DCC: variants seen among roughly 807,000 people sequenced by gnomAD.
The protein encoded by DCC is DCC netrin 1 receptor, also known as netrin receptor DCC.
In DCC, 58 loss-of-function variants were observed where a neutral mutation model predicts 172.5. That is an observed-to-expected ratio of 0.34 (90% CI 0.27 to 0.42). The LOEUF is 0.42. Among genes scored for constraint, DCC ranks in the 10% least tolerant of loss-of-function variants. The pLI, the probability that DCC is intolerant of heterozygous loss-of-function variation, is 1.00. For missense variants in DCC, 1,740 were observed against 1,791.0 expected, an observed-to-expected ratio of 0.97 and a Z score of 0.51; for synonymous variants, 709 against 644.5, an observed-to-expected ratio of 1.10 and a Z score of -1.52.
At position 53,479,567 on chromosome 18, in the gene DCC, C is replaced by T. The variant is rs540906685; in HGVS notation, c.3737-7230C>T. Among the ~76,000 whole-genome samples the T allele has an allele frequency of 2.6e-5, 4 of 152,210 alleles. No individual in the cohort carries two copies. The South Asian group carries it at 6.2e-4, about 24-fold the overall frequency. On this transcript the variant is annotated intron_variant, in intron 25 of 28. Coordinates refer to ENST00000442544, the MANE Select transcript of DCC (RefSeq NM_005215.4). ...TAGAGTTATGCAGACACAGTCAGAGCTTAAAAAGGTTCCTGTAGAGAGTAC... is the reference window on the plus strand; with the variant it reads ...TAGAGTTATGCAGACACAGTCAGAGTTTAAAAAGGTTCCTGTAGAGAGTAC...
At chr18:52,377,348 A>C (rs1371496981) in intron 1 of DCC, among the ~76,000 whole-genome samples, 1 of 152,194 alleles carries the variant, frequency 6.6e-6, no homozygotes, top group Admixed American at 6.5e-5. Flanking sequence ...AGTAAAGTGC[A>C]CATCAGCTTG....
At chr18:52,498,528 G>A (rs2030890117) in intron 1 of DCC, among the ~76,000 whole-genome samples, 1 of 152,066 alleles carries the variant, frequency 6.6e-6, no homozygotes, top group African/African-American at 2.4e-5. Context: ...GGAGGCTGAG[G>A]TAGGAGAATC....
intron 1 of DCC, among the ~76,000 whole-genome samples, chr18:52,628,928 A>G (rs1568263376): frequency 6.6e-6 from 1 of 152,210 alleles, no homozygotes; most frequent in Non-Finnish European, 1.5e-5. Flanking sequence ...ATGATGACAC[A>G]CCGGCAATCT....
chr18:52,471,351 AACTT>A (rs1198825923), intron 1 of DCC, among the ~76,000 whole-genome samples: 2 of 152,092 alleles, frequency 1.3e-5, no homozygotes, highest in Non-Finnish European at 2.9e-5. Flanking sequence ...AAATAAATAA[AACTT>A]ACTCTGCTGG....
chr18:53,024,353 A>G (rs2041926372), intron 5 of DCC, among the ~76,000 whole-genome samples: 1 of 152,130 alleles, frequency 6.6e-6, no homozygotes, highest in Non-Finnish European at 1.5e-5. Context: ...TTCTTCACTA[A>G]GGACTTTTGT....
intron 7 of DCC, among the ~76,000 whole-genome samples, chr18:53,067,001 A>G (rs1402373802): frequency 6.6e-6 from 1 of 152,126 alleles, no homozygotes; most frequent in Non-Finnish European, 1.5e-5. Flanking sequence ...AGTCACTATC[A>G]GGAGAACACT....
chr18:53,141,159 T>C (rs1000424928), intron 7 of DCC, among the ~76,000 whole-genome samples: 1 of 152,146 alleles, frequency 6.6e-6, no homozygotes, highest in Non-Finnish European at 1.5e-5. Flanking sequence ...TAACTAGAGC[T>C]TTCTTCATGA....
chr18:53,145,820 G>T (rs2043904146), intron 7 of DCC, among the ~76,000 whole-genome samples: 1 of 152,304 alleles, frequency 6.6e-6, no homozygotes. Flanking sequence ...AGCTACTGTT[G>T]CTTCATAGCT....
At chr18:52,983,861 G>A (rs1187003959) in intron 5 of DCC, among the ~76,000 whole-genome samples, 2 of 152,086 alleles carry the variant, frequency 1.3e-5, no homozygotes, top group Non-Finnish European at 2.9e-5. Context: ...AATAAGATAT[G>A]TATCAGCTGG....
At chr18:52,882,568 T>C (rs947251267) in intron 2 of DCC, among the ~76,000 whole-genome samples, 1 of 152,154 alleles carries the variant, frequency 6.6e-6, no homozygotes, top group Non-Finnish European at 1.5e-5. Context: ...GTTTGTATAG[T>C]TTCCAAAATG....
chr18:52,401,935 T>C (rs2144377388), intron 1 of DCC, among the ~76,000 whole-genome samples: 1 of 152,120 alleles, frequency 6.6e-6, no homozygotes, highest in Non-Finnish European at 1.5e-5. Flanking sequence ...GTTACATTAA[T>C]ACAACGAACT....
At chr18:53,402,539 T>G (rs1972049) in intron 18 of DCC, among the ~76,000 whole-genome samples, 64,417 of 151,946 alleles carry the variant, frequency 0.42, 15,426 homozygotes, top group Non-Finnish European at 0.55. Context: ...TTTTCTCCTT[T>G]ATATTCACAC....
At chr18:52,683,766 T>C (rs1283855842) in intron 1 of DCC, among the ~76,000 whole-genome samples, 5 of 152,000 alleles carry the variant, frequency 3.3e-5, no homozygotes, top group African/African-American at 7.2e-5. Context: ...GCATAACCCA[T>C]AGTTTGGAAC....
At chr18:52,644,131 T>C (rs900482364) in intron 1 of DCC, among the ~76,000 whole-genome samples, 2 of 152,198 alleles carry the variant, frequency 1.3e-5, no homozygotes, top group African/African-American at 4.8e-5. Flanking sequence ...GGATTTACTG[T>C]GTCTGTTTGG....
intron 5 of DCC, among the ~76,000 whole-genome samples, chr18:52,986,815 TACAC>T (rs151140409): frequency 6.7e-5 from 10 of 149,430 alleles, no homozygotes; most frequent in African/African-American, 2.5e-4. Flanking sequence ...AGTATATATA[TACAC>T]ACACACACAT....
At chr18:53,190,051 C>T (rs1398645529) in intron 9 of DCC, among the ~76,000 whole-genome samples, 7 of 152,144 alleles carry the variant, frequency 4.6e-5, no homozygotes, top group African/African-American at 1.2e-4. Context: ...CTCAGCCTCC[C>T]GAGTAGCTGG....
At chr18:52,909,057 C>T (rs1367298928) in intron 3 of DCC, among the ~76,000 whole-genome samples, 3 of 151,924 alleles carry the variant, frequency 2.0e-5, no homozygotes, top group African/African-American at 4.8e-5. Flanking sequence ...TTCACAGATG[C>T]GCAATAAGTA....
intron 2 of DCC, among the ~76,000 whole-genome samples, chr18:52,860,948 G>C (rs1048598681): frequency 6.6e-6 from 1 of 150,474 alleles, no homozygotes; most frequent in Non-Finnish European, 1.5e-5. Context: ...GGAGGTTGCA[G>C]TGAGCTGGGA....
intron 1 of DCC, among the ~76,000 whole-genome samples, chr18:52,514,690 T>G (rs2031564455): frequency 6.6e-6 from 1 of 152,216 alleles, no homozygotes; most frequent in Non-Finnish European, 1.5e-5. Flanking sequence ...TCCATATGCC[T>G]TTCAAATTTT....
Sources: gnomAD v4.1 joint callset for allele counts (sites outside exome capture counted in the v4.1 genomes callset) on GRCh38, gnomAD v4.1.1 for gene constraint, MANE v1.5 for transcripts, NCBI Gene and HGNC (gene_info 2026-07-23, HGNC 2026-07-21) for gene names.